NRG1: variants seen among roughly 807,000 people sequenced by gnomAD.
NRG1 encodes the protein pro-neuregulin-1, membrane-bound isoform.
A neutral mutation model predicts 63.8 loss-of-function variants in NRG1; 18 were observed. The observed-to-expected ratio is 0.28, with a 90% confidence interval of 0.19 to 0.42. The LOEUF is 0.42. NRG1 is among the 10% of genes least tolerant of loss of function. The pLI, the probability that NRG1 is intolerant of heterozygous loss-of-function variation, is 1.00. For synonymous variants in NRG1, 302 were observed against 301.3 expected (o/e 1.00, Z -0.02); for missense variants, 762 against 814.7 (o/e 0.94, Z 0.79).
intron 1 of NRG1, among the ~76,000 whole-genome samples, chr8:32,326,532 C>T (rs1417658472): frequency 6.6e-6 from 1 of 151,738 alleles, no homozygotes; most frequent in Non-Finnish European, 1.5e-5. Flanking sequence ...ACTATGTTGC[C>T]CAGGCTGGTC....
At chr8:32,638,613 C>T (rs930207233) in intron 5 of NRG1, among the ~76,000 whole-genome samples, 3 of 152,056 alleles carry the variant, frequency 2.0e-5, no homozygotes, top group African/African-American at 7.2e-5. Flanking sequence ...CGGGCAGGAG[C>T]GACCATGTTG....
chr8:32,097,507 T>A (rs905916017), intron 1 of NRG1, among the ~76,000 whole-genome samples: 31 of 152,032 alleles, frequency 2.0e-4, no homozygotes, highest in Non-Finnish European at 4.0e-4. Context: ...ATTTGTAAAA[T>A]TTTTTTTGTC....
intron 1 of NRG1, among the ~76,000 whole-genome samples, chr8:32,187,166 T>C (rs1842049728): frequency 6.6e-6 from 1 of 152,230 alleles, no homozygotes; most frequent in Non-Finnish European, 1.5e-5. Flanking sequence ...GGTTGAATAT[T>C]AAATGTCACT....
At chr8:31,724,082 A>G (rs1239146543) in intron 1 of NRG1, among the ~76,000 whole-genome samples, 1 of 152,092 alleles carries the variant, frequency 6.6e-6, no homozygotes. Context: ...ATGATCATAT[A>G]TATTATATAA....
intron 1 of NRG1, among the ~76,000 whole-genome samples, chr8:32,018,494 CTGTT>C (rs1174475304): frequency 2.0e-5 from 3 of 152,254 alleles, no homozygotes; most frequent in African/African-American, 7.2e-5. Context: ...TTAATTTTGT[CTGTT>C]TATGAGCCAA....
At chr8:32,667,013 A>G (rs528450556) in intron 5 of NRG1, among the ~76,000 whole-genome samples, 2 of 152,338 alleles carry the variant, frequency 1.3e-5, no homozygotes, top group Non-Finnish European at 2.9e-5. Context: ...TGACAAGGAT[A>G]TGTTCTAAGA....
intron 1 of NRG1, among the ~76,000 whole-genome samples, chr8:31,782,489 C>T (rs4733099): frequency 0.97 from 147,247 of 152,262 alleles, 71,376 homozygotes; most frequent in East Asian, 1. Flanking sequence ...AGAATGAAGA[C>T]AGAGGCTTTA....
At chr8:32,632,586 A>G (rs1205331262) in intron 5 of NRG1, among the ~76,000 whole-genome samples, 1 of 151,378 alleles carries the variant, frequency 6.6e-6, no homozygotes, top group Admixed American at 6.6e-5. Flanking sequence ...TCACACAGTG[A>G]CAATGTTCAG....
At chr8:31,791,158 G>A (rs796218571) in intron 1 of NRG1, among the ~76,000 whole-genome samples, 14 of 149,456 alleles carry the variant, frequency 9.4e-5, no homozygotes, top group African/African-American at 3.5e-4. Flanking sequence ...GCAGTGAGCT[G>A]AGATCACATC....
chr8:32,500,419 G>A (rs1827732208), intron 1 of NRG1, among the ~76,000 whole-genome samples: 1 of 152,126 alleles, frequency 6.6e-6, no homozygotes, highest in Admixed American at 6.6e-5. Context: ...CTATAAACCA[G>A]ATACGAGTCT....
intron 5 of NRG1, among the ~76,000 whole-genome samples, chr8:32,628,939 G>T (rs1267829239): frequency 6.6e-6 from 1 of 151,888 alleles, no homozygotes; most frequent in Non-Finnish European, 1.5e-5. Context: ...CCACCATGTT[G>T]GCCAGGCTGG....
chr8:31,685,950 A>G (rs914950752), intron 1 of NRG1, among the ~76,000 whole-genome samples: 2 of 152,198 alleles, frequency 1.3e-5, no homozygotes, highest in African/African-American at 4.8e-5. Flanking sequence ...TAATGGTACT[A>G]TGAACATTCA....
chr8:32,150,019 T>C (rs544485921), intron 1 of NRG1, among the ~76,000 whole-genome samples: 20 of 152,344 alleles, frequency 1.3e-4, no homozygotes, highest in African/African-American at 4.8e-4. Flanking sequence ...CTTATATATG[T>C]ATTGATTGAA....
intron 1 of NRG1, among the ~76,000 whole-genome samples, chr8:31,650,983 G>A (rs759637329): frequency 2.0e-5 from 3 of 152,150 alleles, no homozygotes; most frequent in Non-Finnish European, 4.4e-5. Context: ...AACTGTATTT[G>A]GTCCTCAGAA....
intron 1 of NRG1, among the ~76,000 whole-genome samples, chr8:32,229,340 T>C (rs1846658613): frequency 6.6e-6 from 1 of 152,210 alleles, no homozygotes; most frequent in African/African-American, 2.4e-5. Context: ...CAGCTTTAAA[T>C]TGACAGCTTT....
chr8:32,486,506 A>G (rs550209295), intron 1 of NRG1, among the ~76,000 whole-genome samples: 1 of 151,986 alleles, frequency 6.6e-6, no homozygotes, highest in Non-Finnish European at 1.5e-5. Context: ...GAATATTTGA[A>G]TTTTTTATTT....
intron 5 of NRG1, among the ~76,000 whole-genome samples, chr8:32,662,524 G>A (rs552820003): frequency 5.9e-4 from 90 of 152,146 alleles, no homozygotes; most frequent in Non-Finnish European, 1.0e-3. Flanking sequence ...AGGTTTTAAT[G>A]GGATCACTGC....
At chr8:31,847,305 C>T (rs934515525) in intron 1 of NRG1, among the ~76,000 whole-genome samples, 2 of 113,368 alleles carry the variant, frequency 1.8e-5, no homozygotes. Flanking sequence ...AGACATTAAG[C>T]CATCAGAGCC....
intron 1 of NRG1, among the ~76,000 whole-genome samples, chr8:32,479,796 T>C (rs1825012242): frequency 6.6e-6 from 1 of 151,970 alleles, no homozygotes. Context: ...ACTACAGGCA[T>C]GCATCACCAT....
Sources: allele counts gnomAD v4.1 joint callset (sites outside exome capture counted in the v4.1 genomes callset), GRCh38; gene constraint gnomAD v4.1.1; transcripts MANE v1.5; gene names NCBI Gene and HGNC (gene_info 2026-07-23, HGNC 2026-07-21).